The following MIS18A variants were observed in gnomAD, a reference collection of about 807,000 sequenced individuals.
The protein encoded by MIS18A is MIS18 kinetochore protein A.
A neutral mutation model predicts 25.0 loss-of-function variants in MIS18A; 14 were observed. The observed-to-expected ratio is 0.56, with a 90% CI of 0.37 to 0.88. The LOEUF (loss-of-function observed/expected upper bound fraction) is 0.88, where lower values mean the gene tolerates loss of function less well. Among genes scored for constraint, MIS18A ranks in the 40% least tolerant of loss-of-function variants. The pLI is 0.00. For synonymous variants in MIS18A, 134 were observed against 118.6 expected, an observed-to-expected ratio of 1.13 and a Z score of -0.84; for missense variants, 292 against 290.8, an observed-to-expected ratio of 1.00 and a Z score of -0.03.
At chr21:32,256,476 G>A in the MIS18A span, among the ~76,000 whole-genome samples, 1 of 152,148 alleles carries the variant, frequency 6.6e-6, no homozygotes, top group East Asian at 1.9e-4. Context: ...TCTCTACCGG[G>A]AGGCATAAAA....
the MIS18A span, among the ~76,000 whole-genome samples, chr21:32,204,805 T>C: frequency 0.011 from 1,600 of 151,912 alleles, 31 homozygotes; most frequent in African/African-American, 0.037. Flanking sequence ...GAGAATCGCT[T>C]GGGCTTAGAA....
At chr21:32,229,840 G>T in the MIS18A span, among the ~76,000 whole-genome samples, 1 of 152,120 alleles carries the variant, frequency 6.6e-6, no homozygotes, top group African/African-American at 2.4e-5. Flanking sequence ...GCTATTATCA[G>T]CCCCTTTTCA....
chr21:32,245,062 C>G, the MIS18A span, among the ~76,000 whole-genome samples: 2 of 152,114 alleles, frequency 1.3e-5, no homozygotes, highest in African/African-American at 4.8e-5. Context: ...ATTGTTAGTT[C>G]CATAATGCAC....
chr21:32,264,613 A>C (rs2031560310), downstream of MIS18A, among the ~76,000 whole-genome samples: 1 of 152,180 alleles, frequency 6.6e-6, no homozygotes, highest in South Asian at 2.1e-4. Context: ...TCACATGGCT[A>C]ATAAAGCAGT....
At chr21:32,157,148 C>T in the MIS18A span, among the ~76,000 whole-genome samples, 27 of 149,514 alleles carry the variant, frequency 1.8e-4, no homozygotes, top group Non-Finnish European at 3.3e-4. Context: ...CTCTGCCGCC[C>T]GGGTTCAAAT....
At chr21:32,250,059 C>T in the MIS18A span, among the ~76,000 whole-genome samples, 1 of 152,156 alleles carries the variant, frequency 6.6e-6, no homozygotes, top group South Asian at 2.1e-4. Context: ...AGTGCTATCT[C>T]CTAAGCTGGG....
At chr21:32,164,306 G>C in the MIS18A span, among the ~76,000 whole-genome samples, 1 of 152,176 alleles carries the variant, frequency 6.6e-6, no homozygotes, top group Non-Finnish European at 1.5e-5. Context: ...GAGTTGCAGA[G>C]CCAGTATTAG....
At chr21:32,221,901 A>G in the MIS18A span, among the ~76,000 whole-genome samples, 1 of 152,052 alleles carries the variant, frequency 6.6e-6, no homozygotes, top group Non-Finnish European at 1.5e-5. Flanking sequence ...AGAAAAAAAA[A>G]GCTAGCATCA....
the MIS18A span, among the ~76,000 whole-genome samples, chr21:32,185,603 C>A: frequency 6.6e-6 from 1 of 152,128 alleles, no homozygotes; most frequent in African/African-American, 2.4e-5. Context: ...TAGTGTAGAA[C>A]CCCAGGGAAG....
At chr21:32,194,966 C>T in the MIS18A span, among the ~76,000 whole-genome samples, 2 of 152,200 alleles carry the variant, frequency 1.3e-5, no homozygotes, top group South Asian at 2.1e-4. Context: ...GGTGATCCTG[C>T]GCTAAAAGCC....
At chr21:32,157,637 C>T in the MIS18A span, among the ~76,000 whole-genome samples, 2 of 151,910 alleles carry the variant, frequency 1.3e-5, no homozygotes, top group African/African-American at 4.8e-5. Flanking sequence ...TGGTTTTGCC[C>T]TTCCCCCATA....
the MIS18A span, among the ~76,000 whole-genome samples, chr21:32,185,908 AG>A: frequency 6.6e-6 from 1 of 152,166 alleles, no homozygotes; most frequent in Non-Finnish European, 1.5e-5. Flanking sequence ...ATTCTAGTGC[AG>A]GGGTCTCACC....
At chr21:32,159,657 T>A in the MIS18A span, among the ~76,000 whole-genome samples, 1 of 152,216 alleles carries the variant, frequency 6.6e-6, no homozygotes, top group African/African-American at 2.4e-5. Flanking sequence ...ACAGCTTGGT[T>A]TTATGTATTT....
At chr21:32,249,305 G>A in the MIS18A span, among the ~76,000 whole-genome samples, 1 of 152,162 alleles carries the variant, frequency 6.6e-6, no homozygotes, top group African/African-American at 2.4e-5. Context: ...CCCTCCATGC[G>A]GGGCCCTCAG....
At position 32,269,117 on chromosome 21, in the gene MIS18A, T is replaced by A; in HGVS notation, c.622A>T (p.Met208Leu). ...RVEIEKSLTQ[M>L]EDVLKALQMK... ...TGTAATGCTTTCAAGACATCTTCCA[T>A]CTATTGAATTTAAAAAATAAAAAAA... The change falls in exon 5 of 5, where the codon ATG becomes TTG. Residue 208 changes from methionine (M) to leucine (L), a missense_variant and splice_region_variant. By Grantham distance (15) the Met-to-Leu change is conservative (BLOSUM62 2). Transcript: ENST00000290130. The A allele has an allele frequency of 6.3e-7, 1 of 1,587,080 alleles. No individual in the cohort carries two copies. The highest frequency in any genetic ancestry group is 8.6e-7 in the Non-Finnish European group (1 of 1,164,532).
At chr21:32,207,836 C>A in the MIS18A span, among the ~76,000 whole-genome samples, 1 of 152,208 alleles carries the variant, frequency 6.6e-6, no homozygotes, top group Non-Finnish European at 1.5e-5. Context: ...TCCAGTGGAC[C>A]TCTTGGCCTC....
the MIS18A span, among the ~76,000 whole-genome samples, chr21:32,202,589 T>C: frequency 6.6e-6 from 1 of 152,216 alleles, no homozygotes; most frequent in Admixed American, 6.5e-5. Flanking sequence ...AGAACGCTTT[T>C]CATCTTGCAA....
chr21:32,165,647 GA>G, the MIS18A span, among the ~76,000 whole-genome samples: 2 of 151,166 alleles, frequency 1.3e-5, no homozygotes, highest in East Asian at 1.9e-4. Flanking sequence ...AAAAAGAAAA[GA>G]AAAAAACCCC....
Position 32,278,824 on chromosome 21 carries a change from A to T in MIS18A, c.191T>A (p.Met64Lys), listed in dbSNP as rs762541519. Residue 64 changes from methionine (M) to lysine (K), a missense_variant, in exon 1 of 5, where the codon ATG becomes AAG. Coordinates refer to ENST00000290130, the MANE Select transcript of MIS18A (RefSeq NM_018944.3). ...SMSEDASVAD[M>K]ERAQLEEEAA... ...CTCCTCCTCCAGCTGCGCCCTCTCC[A>T]TGTCGGCCACCGACGCGTCTTCGCT... 2.5e-6 allele frequency: 4 copies of T among 1,602,686 alleles called. No individual in the cohort carries two copies. Among genetic ancestry groups the T allele is most frequent in the Admixed American group, 3.4e-5 (2 of 58,236 alleles).
Sources: gnomAD v4.1 joint callset for allele counts (sites outside exome capture counted in the v4.1 genomes callset) on GRCh38, gnomAD v4.1.1 for gene constraint, MANE v1.5 for transcripts, NCBI Gene and HGNC (gene_info 2026-07-23, HGNC 2026-07-21) for gene names.